Variants in ZDHHC21 observed in about 807,000 individuals in gnomAD.
The protein encoded by ZDHHC21 is zDHHC palmitoyltransferase 21, also known as palmitoyltransferase ZDHHC21.
ZDHHC21 carries 15 observed loss-of-function variants against 34.6 expected under a neutral mutation model. The ratio of observed to expected loss-of-function variants is 0.43; its 90% CI spans 0.29 to 0.67. ZDHHC21 has a LOEUF of 0.67. Ranked by LOEUF, ZDHHC21 falls within the 30% of genes least tolerant of loss-of-function variation. The probability of loss-of-function intolerance (pLI) is 0.14; values close to 1 mark genes in which losing one functional copy is unlikely to be tolerated. For missense variants in ZDHHC21, 344 were observed against 327.7 expected (o/e 1.05, Z -0.38); for synonymous variants, 142 against 101.8 (o/e 1.40, Z -2.38).
chr9:14,589,444 G>T, the ZDHHC21 span: 1 of 152,052 alleles, frequency 6.6e-6, no homozygotes, highest in South Asian at 2.1e-4. Flanking sequence ...TGTATAAGAG[G>T]GGAATCCAAG....
intron 2 of ZDHHC21, among the ~76,000 whole-genome samples, chr9:14,687,918 A>G (rs1025872051): frequency 6.6e-6 from 1 of 150,928 alleles, no homozygotes; most frequent in African/African-American, 2.5e-5. Flanking sequence ...CTTATTAATT[A>G]CAGCCAAATG....
chr9:14,646,997 T>C (rs775356201), intron 7 of ZDHHC21, among the ~76,000 whole-genome samples: 7 of 151,926 alleles, frequency 4.6e-5, no homozygotes, highest in Non-Finnish European at 7.4e-5. Context: ...ACAAAGAAAA[T>C]TGGACAAAGA....
intron 1 of ZDHHC21, among the ~76,000 whole-genome samples, chr9:14,691,635 C>A (rs950575672): frequency 6.6e-6 from 1 of 152,158 alleles, no homozygotes; most frequent in African/African-American, 2.4e-5. Flanking sequence ...ACACGGTCCT[C>A]ATCATTTTCT....
rs147788828 is a variant in ZDHHC21, at chr9:14,670,847, G to A, written c.253+1983C>T. The stretch of plus-strand genomic sequence containing the variant: ...CTAGAAGGTGCTTTTGCCTTGTGTA[G>A]CAAGAAAAAAAATCCATCCATCTTA... On this transcript the variant is annotated intron_variant, in intron 5 of 9. Transcript: ENST00000380916. 7.5e-4 allele frequency among the ~76,000 whole-genome samples: 114 copies of A among 151,976 alleles called. 2 individuals carry two copies. The East Asian group carries it at 0.02, about 26-fold the overall frequency.
rs1823510488 is a variant in ZDHHC21 at position 14,612,694 on chromosome 9, C to G, written c.*6272G>C. The G allele has an allele frequency of 6.6e-6, 1 of 151,618 alleles. No individual in the cohort carries two copies. Among genetic ancestry groups the G allele is most frequent in the South Asian group, 2.1e-4 (1 of 4,822 alleles). The allele number at this position is 151,618 out of a possible 1,614,324, so 9.4% of individuals were successfully genotyped here. A position where few individuals can be genotyped will look rare whatever the true frequency, so the allele number is the denominator to read the frequency against. ...CTTGGGAAAGCATCTCTCTCTCTGT[C>G]TCTCTCTCTGTCTGTCTGTCTCTCC... On this transcript the variant is annotated 3_prime_UTR_variant, in exon 10 of 10. Coordinates refer to ENST00000380916, the MANE Select transcript of ZDHHC21 (RefSeq NM_178566.6).
intron 8 of ZDHHC21, among the ~76,000 whole-genome samples, chr9:14,623,927 C>A (rs1825758782): frequency 1.3e-5 from 2 of 152,056 alleles, no homozygotes; most frequent in African/African-American, 4.8e-5. Flanking sequence ...AAGTGTAAAT[C>A]CATGCAGTCA....
rs184284485 is a variant in ZDHHC21 at position 14,655,897 on chromosome 9, A to T, written c.504+2852T>A. Among the ~76,000 whole-genome samples the T allele has an allele frequency of 2.2e-3, 329 of 151,950 alleles. 8 individuals are homozygous for T. The highest frequency in any genetic ancestry group is 0.02 in the Admixed American group (300 of 15,278). On this transcript the variant is annotated intron_variant, in intron 7 of 9. Coordinates refer to ENST00000380916, the MANE Select transcript of ZDHHC21 (RefSeq NM_178566.6). ...GAAATATCTGCTGTCTGTAAGGCAC[A>T]TTATGAGACACAGTAATCAAGATAG...
intron 8 of ZDHHC21, among the ~76,000 whole-genome samples, chr9:14,621,467 T>C (rs1192575503): frequency 6.6e-6 from 1 of 152,116 alleles, no homozygotes; most frequent in Non-Finnish European, 1.5e-5. Flanking sequence ...GATACCTTTC[T>C]TGAATCTGTT....
intron 7 of ZDHHC21, among the ~76,000 whole-genome samples, chr9:14,641,008 TA>T (rs1829280373): frequency 6.6e-6 from 1 of 152,006 alleles, no homozygotes; most frequent in Non-Finnish European, 1.5e-5. Context: ...CCACAGAAAA[TA>T]AAAGCACCAA....
At chr9:14,628,642 C>T (rs1043796205) in intron 8 of ZDHHC21, among the ~76,000 whole-genome samples, 3 of 152,124 alleles carry the variant, frequency 2.0e-5, no homozygotes, top group African/African-American at 7.2e-5. Flanking sequence ...TCTCCCACTT[C>T]TTTCTTATGC....
At position 14,662,137 on chromosome 9, in the gene ZDHHC21, G is replaced by C; in HGVS notation, c.365+78C>G. On this transcript the variant is annotated intron_variant, in intron 6 of 9. Coordinates refer to ENST00000380916, the MANE Select transcript of ZDHHC21 (RefSeq NM_178566.6). ...ACTATATAACTTTAACATAACTGTT[G>C]TTTAAAGCTGCCAAGTTGTAAGATT... 5 of 974,242 alleles carry C rather than the reference G, an allele frequency of 5.1e-6. No individual in the cohort carries two copies. The South Asian group carries it at 8.9e-5, about 17-fold the overall frequency. 60.3% of individuals were successfully genotyped at this position (974,242 alleles called of 1,614,324 possible). A position where few individuals can be genotyped will look rare whatever the true frequency, so the allele number is the denominator to read the frequency against.
chr9:14,634,830 T>C (rs1410899369), intron 8 of ZDHHC21, among the ~76,000 whole-genome samples: 1 of 151,822 alleles, frequency 6.6e-6, no homozygotes, highest in African/African-American at 2.4e-5. Flanking sequence ...ACAATAATTC[T>C]CCAATAAAAT....
the ZDHHC21 span, among the ~76,000 whole-genome samples, chr9:14,605,457 G>C: frequency 6.6e-6 from 1 of 152,062 alleles, no homozygotes; most frequent in African/African-American, 2.4e-5. Flanking sequence ...ATCCCTTCAC[G>C]TACCTGTTGG....
chr9:14,648,897 G>A (rs371040679), intron 7 of ZDHHC21, among the ~76,000 whole-genome samples: 4 of 151,806 alleles, frequency 2.6e-5, no homozygotes, highest in South Asian at 4.1e-4. Context: ...CAGCTTATAC[G>A]TACTTTTCTG....
chr9:14,637,603 G>C (rs1828540011), intron 8 of ZDHHC21, among the ~76,000 whole-genome samples: 1 of 151,932 alleles, frequency 6.6e-6, no homozygotes, highest in Non-Finnish European at 1.5e-5. Context: ...GGCCTTTTGT[G>C]TTGATGGTAT....
In ZDHHC21 at chr9:14,658,777, T is replaced by C. The variant is rs1265109105; in HGVS notation, c.476A>G (p.Tyr159Cys). 2.5e-6 allele frequency: 4 copies of C among 1,613,390 alleles called. No individual in the cohort carries two copies. Among genetic ancestry groups the C allele is most frequent in the Non-Finnish European group, 3.4e-6 (4 of 1,179,830 alleles). ...ALMFSFCHYYYFLPLKKRNLD... is the reference protein window; with the variant it reads ...ALMFSFCHYYCFLPLKKRNLD... Reference sequence around the variant, plus strand: ...ATTACGCTTTTTTAGTGGAAGAAAATAGTAATAGTGGCAGAAAGAAAACAT... The same window carrying C: ...ATTACGCTTTTTTAGTGGAAGAAAACAGTAATAGTGGCAGAAAGAAAACAT... The change falls in exon 7 of 10, where the codon TAT becomes TGT. Residue 159 changes from tyrosine to cysteine, a missense_variant. Transcript: ENST00000380916.
intron 6 of ZDHHC21, among the ~76,000 whole-genome samples, chr9:14,659,208 C>T (rs139720861): frequency 6.3e-4 from 96 of 152,134 alleles, no homozygotes; most frequent in African/African-American, 2.1e-3. Flanking sequence ...AGCCTCTGGC[C>T]AGAGGATGTA....
intron 2 of ZDHHC21, among the ~76,000 whole-genome samples, chr9:14,683,086 A>G (rs1837664721): frequency 6.6e-6 from 1 of 152,194 alleles, no homozygotes; most frequent in Non-Finnish European, 1.5e-5. Flanking sequence ...GAAAGCAGGG[A>G]AGATCTAAAA....
chr9:14,681,872 CG>C (rs767196398), intron 2 of ZDHHC21, among the ~76,000 whole-genome samples: 1 of 151,926 alleles, frequency 6.6e-6, no homozygotes, highest in East Asian at 1.9e-4. Context: ...CAGAAGAGAA[CG>C]GGGGCCAATA....
Sources: allele counts gnomAD v4.1 joint callset (sites outside exome capture counted in the v4.1 genomes callset), GRCh38; gene constraint gnomAD v4.1.1; transcripts MANE v1.5; gene names NCBI Gene and HGNC (gene_info 2026-07-23, HGNC 2026-07-21).